GAS2L3: variants seen among roughly 807,000 people sequenced by gnomAD.
The protein encoded by GAS2L3 is GAS2-like protein 3.
A neutral mutation model predicts 37.0 loss-of-function variants in GAS2L3; 28 were observed. The observed-to-expected ratio is 0.76, with a 90% CI of 0.56 to 1.04. The LOEUF is 1.04. Ranked by LOEUF, GAS2L3 falls within the 50% of genes least tolerant of loss-of-function variation. The pLI is 0.00. For missense variants in GAS2L3, 793 were observed against 817.6 expected, an observed-to-expected ratio of 0.97 and a Z score of 0.37; for synonymous variants, 290 against 296.6, an observed-to-expected ratio of 0.98 and a Z score of 0.23.
At chr12:100,606,610 G>T (rs1482229004) in intron 5 of GAS2L3, among the ~76,000 whole-genome samples, 1 of 151,570 alleles carries the variant, frequency 6.6e-6, no homozygotes, top group Non-Finnish European at 1.5e-5. Flanking sequence ...GATTTTCTCT[G>T]GTGGTATGCT....
chr12:100,608,297 T>A (rs1370437421), intron 5 of GAS2L3, among the ~76,000 whole-genome samples: 1 of 152,180 alleles, frequency 6.6e-6, no homozygotes, highest in African/African-American at 2.4e-5. Flanking sequence ...AGTACCCCTG[T>A]GGCCACCACC....
rs772205945 is a variant in GAS2L3, at chr12:100,622,419, A to G, written c.756+37A>G. The G allele has an allele frequency of 9.6e-6, 10 of 1,041,862 alleles. No homozygotes were observed. In the African/African-American group the frequency reaches 1.4e-4, roughly 15 times the overall value. The allele number at this position is 1,041,862 out of a possible 1,614,324, so 64.5% of individuals were successfully genotyped here. A position where few individuals can be genotyped will look rare whatever the true frequency, so the allele number is the denominator to read the frequency against. ...ATTTACACTTTATTTACACATAAAT[A>G]CTGTTTTGAAATTGGATTTATTGCT... On this transcript the variant is annotated intron_variant, in intron 9 of 9. Transcript: ENST00000547754.
At chr12:100,599,311 AATC>A (rs1955954277) in intron 3 of GAS2L3, among the ~76,000 whole-genome samples, 1 of 152,226 alleles carries the variant, frequency 6.6e-6, no homozygotes, top group South Asian at 2.1e-4. Flanking sequence ...ATTAAAGAAT[AATC>A]ATATTTCAAA....
chr12:100,599,243 T>C (rs1219265514), intron 3 of GAS2L3, among the ~76,000 whole-genome samples: 1 of 152,250 alleles, frequency 6.6e-6, no homozygotes, highest in Non-Finnish European at 1.5e-5. Context: ...CATAATGACA[T>C]GATTACTTCT....
chr12:100,615,415 A>G (rs1057495781), intron 6 of GAS2L3, among the ~76,000 whole-genome samples: 1 of 152,002 alleles, frequency 6.6e-6, no homozygotes, highest in Non-Finnish European at 1.5e-5. Flanking sequence ...ATTAGATAAG[A>G]TTTGCAAATA....
chr12:100,604,781 G>A (rs868430478), intron 5 of GAS2L3, among the ~76,000 whole-genome samples: 1 of 151,852 alleles, frequency 6.6e-6, no homozygotes, highest in Non-Finnish European at 1.5e-5. Flanking sequence ...TCTATACCCA[G>A]TTTCTTTAGG....
At chr12:100,590,988 G>A (rs1391876558) in intron 1 of GAS2L3, among the ~76,000 whole-genome samples, 1 of 152,062 alleles carries the variant, frequency 6.6e-6, no homozygotes, top group African/African-American at 2.4e-5. Context: ...AGTGTATACT[G>A]CTCGGGTGAT....
rs1340134798 is a variant in GAS2L3, at chr12:100,600,523, C to T, written c.160C>T (p.Leu54=). The T allele has an allele frequency of 6.2e-7, 1 of 1,613,748 alleles. No individual in the cohort carries two copies. Among genetic ancestry groups the T allele is most frequent in the Non-Finnish European group, 8.5e-7 (1 of 1,179,812 alleles). The change falls in exon 4 of 10, where the codon CTG becomes TTG. Residue 54 remains leucine, a synonymous_variant. Coordinates refer to ENST00000547754, the MANE Select transcript of GAS2L3 (RefSeq NM_174942.3). ...EATLLPMQED[L]SIWLSGLLGI... is the part of the protein sequence containing the mutation. ...CACTTTGTTGCCCATGCAAGAAGAT[C>T]TGTCAATCTGGTTATCTGGTTTATT...
intron 3 of GAS2L3, among the ~76,000 whole-genome samples, chr12:100,599,773 C>T (rs1331337500): frequency 1.3e-5 from 2 of 152,156 alleles, no homozygotes; most frequent in Admixed American, 6.6e-5. Flanking sequence ...CATCTTACAG[C>T]TAGGATGTTA....
rs562926164 is a variant in GAS2L3, at chr12:100,620,358, C to A, written c.648+1771C>A. Reference sequence around the variant, plus strand: ...GAATGAAAATAATAGTAATATAGTACCTTTGTAGATTATTTTTATTTCCTT... The same window carrying A: ...GAATGAAAATAATAGTAATATAGTAACTTTGTAGATTATTTTTATTTCCTT... On this transcript the variant is annotated intron_variant, in intron 8 of 9. Coordinates refer to ENST00000547754, the MANE Select transcript of GAS2L3 (RefSeq NM_174942.3). 3.3e-5 allele frequency among the ~76,000 whole-genome samples: 5 copies of A among 151,752 alleles called. No homozygotes were observed. The South Asian group carries it at 1.0e-3, about 32-fold the overall frequency.
chr12:100,578,972 C>T (rs1470280250), intron 1 of GAS2L3: 3 of 894,688 alleles, frequency 3.4e-6, no homozygotes, highest in Non-Finnish European at 5.6e-6. Context: ...TTATGGAAAT[C>T]GAAAAGGCAT....
At chr12:100,607,300 T>G (rs1475443517) in intron 5 of GAS2L3, among the ~76,000 whole-genome samples, 4 of 152,220 alleles carry the variant, frequency 2.6e-5, no homozygotes, top group African/African-American at 9.6e-5. Flanking sequence ...CCAGACATAC[T>G]GGAGCTCCAT....
intron 9 of GAS2L3, among the ~76,000 whole-genome samples, chr12:100,623,178 A>G (rs1183667671): frequency 6.6e-6 from 1 of 152,178 alleles, no homozygotes; most frequent in Admixed American, 6.5e-5. Flanking sequence ...ATGATGTAGT[A>G]GTGCACAGAG....
chr12:100,576,759 TTTGG>T (rs35621039), intron 1 of GAS2L3, among the ~76,000 whole-genome samples: 76,094 of 151,510 alleles, frequency 0.5, 19,484 homozygotes, highest in East Asian at 0.69. Flanking sequence ...GGTAGGGTGT[TTTGG>T]TTAACAGAAA....
intron 7 of GAS2L3, among the ~76,000 whole-genome samples, chr12:100,618,150 C>T (rs1238709534): frequency 1.3e-5 from 2 of 152,064 alleles, no homozygotes; most frequent in African/African-American, 4.8e-5. Flanking sequence ...GGAGTGGTGT[C>T]CCCCATACCT....
rs929903883 is a variant in GAS2L3, at chr12:100,623,804, C to T, written c.999C>T (p.Pro333=). The stretch of plus-strand genomic sequence containing the variant: ...TGTTTCAGAAACAAAATTCAAAACC[C>T]AGCGTGCCAGTTAGTATTCCAAAAA... ...VNMFQKQNSK[P]SVPVSIPKSK... Residue 333 remains proline, a synonymous_variant, in exon 10 of 10, where the codon CCC becomes CCT. Coordinates refer to ENST00000547754, the MANE Select transcript of GAS2L3 (RefSeq NM_174942.3). The T allele has an allele frequency of 6.2e-7, 1 of 1,613,876 alleles. No homozygotes were observed. The highest frequency in any genetic ancestry group is 8.5e-7 in the Non-Finnish European group (1 of 1,179,996).
chr12:100,627,883 T>C lies in GAS2L3; in HGVS notation c.*2993T>C, dbSNP rs1249554952. 6.6e-6 allele frequency: 1 copy of C among 152,238 alleles called. No homozygotes were observed. Among genetic ancestry groups the C allele is most frequent in the Admixed American group, 6.5e-5 (1 of 15,280 alleles). 9.4% of individuals were successfully genotyped at this position (152,238 alleles called of 1,614,324 possible). ...CTTTTATTTTATTTTCTATAATTTG[T>C]TAACATGATATGTAAAATTAAACTT... is the stretch of plus-strand genomic sequence containing the variant. On this transcript the variant is annotated 3_prime_UTR_variant, in exon 10 of 10. Transcript: ENST00000547754.
intron 5 of GAS2L3, among the ~76,000 whole-genome samples, chr12:100,607,206 A>G (rs557921523): frequency 3.0e-4 from 46 of 152,268 alleles, no homozygotes; most frequent in African/African-American, 1.1e-3. Flanking sequence ...ATGCTATTCT[A>G]GGGCAAAAGT....
At chr12:100,575,373 T>C (rs1416609033) in intron 1 of GAS2L3, among the ~76,000 whole-genome samples, 3 of 152,056 alleles carry the variant, frequency 2.0e-5, no homozygotes, top group Admixed American at 2.0e-4. Flanking sequence ...AACACGTGGA[T>C]TACTATTTAT....
Sources: allele counts gnomAD v4.1 joint callset (sites outside exome capture counted in the v4.1 genomes callset), GRCh38; gene constraint gnomAD v4.1.1; transcripts MANE v1.5; gene names NCBI Gene and HGNC (gene_info 2026-07-23, HGNC 2026-07-21).